ZCWPW2: variants seen among roughly 807,000 people sequenced by gnomAD.
ZCWPW2 encodes zinc finger CW-type PWWP domain protein 2.
ZCWPW2 carries 45 observed loss-of-function variants against 46.6 expected under a neutral mutation model. The observed-to-expected ratio is 0.96, with a 90% CI of 0.76 to 1.24. The LOEUF (loss-of-function observed/expected upper bound fraction) is 1.24, where lower values mean the gene tolerates loss of function less well. ZCWPW2 is among the 50% of genes most tolerant of loss of function. The pLI, the probability that ZCWPW2 is intolerant of heterozygous loss-of-function variation, is 0.00. For missense variants in ZCWPW2, 429 were observed against 403.9 expected (o/e 1.06, Z -0.53); for synonymous variants, 152 against 137.1 (o/e 1.11, Z -0.76).
intron 4 of ZCWPW2, chr3:28,447,993 G>T: frequency 2.1e-6 from 1 of 476,012 alleles, no homozygotes; most frequent in South Asian, 2.7e-5. Flanking sequence ...TTCATGACAG[G>T]ATCAAGTGTG....
chr3:28,509,783 T>G (rs945340008), intron 6 of ZCWPW2, among the ~76,000 whole-genome samples: 10 of 152,210 alleles, frequency 6.6e-5, no homozygotes, highest in African/African-American at 2.4e-4. Flanking sequence ...TTTTTTCACT[T>G]TCTTGATTGT....
intron 5 of ZCWPW2, among the ~76,000 whole-genome samples, chr3:28,487,158 G>T (rs1032806925): frequency 2.6e-5 from 4 of 151,816 alleles, no homozygotes; most frequent in Non-Finnish European, 5.9e-5. Flanking sequence ...ATATTAATTT[G>T]GGGGAAATTA....
At chr3:28,516,127 C>G (rs1242859184) in intron 8 of ZCWPW2, among the ~76,000 whole-genome samples, 1 of 151,872 alleles carries the variant, frequency 6.6e-6, no homozygotes, top group Non-Finnish European at 1.5e-5. Context: ...GTAATCCCAG[C>G]TACTCTGGAG....
intron 1 of ZCWPW2, among the ~76,000 whole-genome samples, chr3:28,371,656 T>G (rs1201667363): frequency 6.6e-6 from 1 of 151,936 alleles, no homozygotes; most frequent in Non-Finnish European, 1.5e-5. Flanking sequence ...AAGACCCATC[T>G]CAAGCAAACC....
chr3:28,457,669 C>T (rs554393933), intron 4 of ZCWPW2, among the ~76,000 whole-genome samples: 2 of 152,180 alleles, frequency 1.3e-5, no homozygotes, highest in Non-Finnish European at 2.9e-5. Context: ...TGACACTATG[C>T]TCATTTGCTT....
At chr3:28,473,745 A>G (rs1300824884) in intron 4 of ZCWPW2, among the ~76,000 whole-genome samples, 1 of 152,198 alleles carries the variant, frequency 6.6e-6, no homozygotes, top group Non-Finnish European at 1.5e-5. Context: ...ATGGAACTGG[A>G]GGTCATTACG....
chr3:28,455,751 C>T lies in ZCWPW2; in HGVS notation c.492+20482C>T, dbSNP rs1290375662. 3.9e-5 allele frequency among the ~76,000 whole-genome samples: 6 copies of T among 152,174 alleles called. No individual in the cohort carries two copies. The South Asian group carries it at 1.0e-3, about 26-fold the overall frequency. On this transcript the variant is annotated intron_variant, in intron 4 of 9. Transcript: ENST00000383768. Reference sequence around the variant, plus strand: ...TTCTATTAAATAGGGAATCCTTTCCCCAGTGCTTATTTTTGTCAGTTTTGT... The same window carrying T: ...TTCTATTAAATAGGGAATCCTTTCCTCAGTGCTTATTTTTGTCAGTTTTGT...
intron 1 of ZCWPW2, among the ~76,000 whole-genome samples, chr3:28,360,129 T>G (rs1032614087): frequency 1.3e-5 from 2 of 151,830 alleles, no homozygotes; most frequent in Non-Finnish European, 2.9e-5. Context: ...TAATAATGTA[T>G]ACATTAATGT....
chr3:28,474,555 T>G (rs1699155226), intron 4 of ZCWPW2, among the ~76,000 whole-genome samples: 1 of 151,740 alleles, frequency 6.6e-6, no homozygotes, highest in South Asian at 2.1e-4. Flanking sequence ...CTTTCAGTTC[T>G]CTCATCCATA....
intron 5 of ZCWPW2, among the ~76,000 whole-genome samples, chr3:28,480,119 C>T (rs183732294): frequency 1.4e-4 from 21 of 152,112 alleles, no homozygotes; most frequent in African/African-American, 4.8e-4. Flanking sequence ...GATATTTCTG[C>T]CCCTAGGTCT....
chr3:28,359,716 A>C (rs1441498584), intron 1 of ZCWPW2, among the ~76,000 whole-genome samples: 6 of 152,164 alleles, frequency 3.9e-5, no homozygotes, highest in Non-Finnish European at 5.9e-5. Flanking sequence ...GGAAATCATC[A>C]ACTATAAAAT....
intron 1 of ZCWPW2, among the ~76,000 whole-genome samples, chr3:28,361,543 A>G (rs909690506): frequency 6.6e-6 from 1 of 152,182 alleles, no homozygotes; most frequent in Non-Finnish European, 1.5e-5. Flanking sequence ...GTGGGACTAT[A>G]TCAAACTAAA....
intron 1 of ZCWPW2, among the ~76,000 whole-genome samples, chr3:28,372,997 A>G (rs1184259358): frequency 6.6e-6 from 1 of 151,968 alleles, no homozygotes; most frequent in Non-Finnish European, 1.5e-5. Context: ...CTATATCTAT[A>G]TATCCATATC....
chr3:28,398,662 A>G (rs1488448565), intron 2 of ZCWPW2, among the ~76,000 whole-genome samples: 1 of 152,116 alleles, frequency 6.6e-6, no homozygotes, highest in East Asian at 1.9e-4. Flanking sequence ...CCCCAAATAC[A>G]CACCCCCATG....
chr3:28,390,472 G>C, intron 1 of ZCWPW2, 26 bp from the exon 2 acceptor site: 1 of 984,612 alleles, frequency 1.0e-6, no homozygotes, highest in Non-Finnish European at 1.2e-6. Flanking sequence ...TTTTAAATTT[G>C]CTAGATTGAT....
intron 1 of ZCWPW2, among the ~76,000 whole-genome samples, chr3:28,374,064 C>T (rs1010825806): frequency 6.6e-6 from 1 of 151,974 alleles, no homozygotes; most frequent in African/African-American, 2.4e-5. Context: ...AAATGTTTGC[C>T]CAGACCAATG....
chr3:28,457,290 C>A (rs550341102), intron 4 of ZCWPW2, among the ~76,000 whole-genome samples: 2 of 152,290 alleles, frequency 1.3e-5, no homozygotes, highest in African/African-American at 4.8e-5. Flanking sequence ...TTCCCACCTG[C>A]CCTTATGATT....
intron 1 of ZCWPW2, among the ~76,000 whole-genome samples, chr3:28,353,153 C>T (rs781710361): frequency 8.6e-5 from 13 of 151,472 alleles, no homozygotes; most frequent in East Asian, 1.9e-4. Context: ...CACTGCACTC[C>T]GGCCTGGGTG....
intron 3 of ZCWPW2, among the ~76,000 whole-genome samples, chr3:28,417,828 A>T (rs1209503358): frequency 3.2e-5 from 1 of 31,482 alleles, no homozygotes; most frequent in East Asian, 6.6e-4. Flanking sequence ...CTTCATGCTA[A>T]AAACTCTCAA....
Sources: gnomAD v4.1 joint callset for allele counts (sites outside exome capture counted in the v4.1 genomes callset) on GRCh38, gnomAD v4.1.1 for gene constraint, MANE v1.5 for transcripts, NCBI Gene and HGNC (gene_info 2026-07-23, HGNC 2026-07-21) for gene names.